The following TMEM178A variants were observed in gnomAD, a reference collection of about 807,000 sequenced individuals.
TMEM178A encodes transmembrane protein 178.
Under a neutral mutation model 29.1 loss-of-function variants are expected in TMEM178A, and 12 were observed. The observed-to-expected ratio is 0.41, with a 90% CI of 0.26 to 0.67. TMEM178A has a LOEUF of 0.67. TMEM178A is among the 30% of genes least tolerant of loss of function. The pLI is 0.29. For synonymous variants in TMEM178A, 210 were observed against 187.2 expected (o/e 1.12, Z -0.99); for missense variants, 366 against 419.1 (o/e 0.87, Z 1.11).
Position 39,666,393 on chromosome 2 carries a change from C to A in TMEM178A, c.400+19C>A. ...CTGAAAGGTGAGCGGCGGGCGCACC[C>A]CGCGTCCCCGGCGCCCGCGCGTGGA... On this transcript the variant is annotated intron_variant, in intron 1 of 3. Coordinates refer to ENST00000281961, the MANE Select transcript of TMEM178A (RefSeq NM_152390.3). The A allele has an allele frequency of 7.5e-7, 1 of 1,327,366 alleles. No homozygotes were observed. Among genetic ancestry groups the A allele is most frequent in the Non-Finnish European group, 9.7e-7 (1 of 1,035,084 alleles). 82.2% of individuals were successfully genotyped at this position (1,327,366 alleles called of 1,614,324 possible).
rs1201502970 is a variant in TMEM178A, at chr2:39,704,133, C to T, written c.453C>T (p.Arg151=). 3 of 1,614,168 alleles carry T rather than the reference C, an allele frequency of 1.9e-6. No individual in the cohort carries two copies. In the South Asian group the frequency reaches 3.3e-5, roughly 18 times the overall value. ...AIKYHFSQPI[R]LRNIPFNLTK... Reference sequence around the variant, plus strand: ...AGTACCACTTTTCTCAGCCCATCCGCTTGCGAAACATTCCTTTTAATTTAA... The same window carrying T: ...AGTACCACTTTTCTCAGCCCATCCGTTTGCGAAACATTCCTTTTAATTTAA... The change falls in exon 2 of 4, where the codon CGC becomes CGT. Residue 151 remains arginine, a synonymous_variant. Coordinates refer to ENST00000281961, the MANE Select transcript of TMEM178A (RefSeq NM_152390.3).
rs1407873044 is a variant in TMEM178A at position 39,704,195 on chromosome 2, G to T, written c.514+1G>T. The T allele has an allele frequency of 6.2e-7, 1 of 1,612,820 alleles. No individual in the cohort carries two copies. Among genetic ancestry groups the T allele is most frequent in the Admixed American group, 1.7e-5 (1 of 59,980 alleles). On this transcript the variant is annotated splice_donor_variant, in intron 2 of 3. Transcript: ENST00000281961. LOFTEE classifies it high-confidence loss of function. The stretch of plus-strand genomic sequence containing the variant: ...CAGCAAGATGAGTGGCACCTGCTTC[G>T]TAAGTATTTCCAGGAGAGGTTCAGA...
chr2:39,718,811 C>T (rs1160700506), downstream of TMEM178A, among the ~76,000 whole-genome samples: 1 of 150,762 alleles, frequency 6.6e-6, no homozygotes, highest in Non-Finnish European at 1.5e-5. Context: ...CCTTTTAACT[C>T]CAACCCTTGT....
At chr2:39,689,598 G>T (rs1205504089) in intron 1 of TMEM178A, among the ~76,000 whole-genome samples, 1 of 152,190 alleles carries the variant, frequency 6.6e-6, no homozygotes, top group Non-Finnish European at 1.5e-5. Flanking sequence ...TGTTTAATGT[G>T]TACAGAGTTT....
the TMEM178A span, among the ~76,000 whole-genome samples, chr2:39,729,473 C>T: frequency 3.3e-5 from 5 of 152,302 alleles, no homozygotes; most frequent in Admixed American, 6.5e-5. Flanking sequence ...TTGGAAAATA[C>T]GATAATTCAC....
chr2:39,689,201 G>A lies in TMEM178A; in HGVS notation c.401-14880G>A, dbSNP rs144604532. The stretch of plus-strand genomic sequence containing the variant: ...AGTATATTGTTTTTAAGGATAATTT[G>A]CTCTGGAACACTGCCAACCCATGCT... On this transcript the variant is annotated intron_variant, in intron 1 of 3. Transcript: ENST00000281961. 3.9e-3 allele frequency among the ~76,000 whole-genome samples: 588 copies of A among 152,284 alleles called. 2 individuals are homozygous for A. Among genetic ancestry groups the A allele is most frequent in the Non-Finnish European group, 5.6e-3 (379 of 68,026 alleles).
chr2:39,707,235 T>C (rs1447232851), intron 3 of TMEM178A, 49 bp downstream of exon 3: 1 of 1,553,324 alleles, frequency 6.4e-7, no homozygotes, highest in Non-Finnish European at 8.7e-7. Flanking sequence ...TGAAGGCTGC[T>C]CTGCATGCGG....
intron 1 of TMEM178A, among the ~76,000 whole-genome samples, chr2:39,678,067 A>G (rs1670705101): frequency 6.6e-6 from 1 of 152,236 alleles, no homozygotes; most frequent in Non-Finnish European, 1.5e-5. Context: ...GTGGATCTTC[A>G]GGGAACCATC....
At chr2:39,689,348 C>T (rs1671217557) in intron 1 of TMEM178A, among the ~76,000 whole-genome samples, 2 of 152,178 alleles carry the variant, frequency 1.3e-5, no homozygotes, top group South Asian at 2.1e-4. Flanking sequence ...CCTTTTCCCT[C>T]CCCATTTCAG....
chr2:39,687,541 A>G (rs17024145), intron 1 of TMEM178A: 50,849 of 163,788 alleles, frequency 0.31, 9,621 homozygotes, highest in East Asian at 0.6. Context: ...CACCTTTTTC[A>G]TGCTTCCTAG....
chr2:39,711,702 T>C (rs555846803), intron 3 of TMEM178A, among the ~76,000 whole-genome samples: 250 of 152,304 alleles, frequency 1.6e-3, no homozygotes, highest in Middle Eastern at 3.4e-3. Flanking sequence ...ATCTAGATTA[T>C]CCATTGATTA....
chr2:39,672,860 C>G (rs2148055494), intron 1 of TMEM178A, among the ~76,000 whole-genome samples: 1 of 152,216 alleles, frequency 6.6e-6, no homozygotes, highest in East Asian at 1.9e-4. Flanking sequence ...TCCTTGATTG[C>G]TATAAAAGAT....
intron 1 of TMEM178A, among the ~76,000 whole-genome samples, chr2:39,687,908 A>C (rs1671151140): frequency 6.6e-6 from 1 of 152,222 alleles, no homozygotes; most frequent in African/African-American, 2.4e-5. Flanking sequence ...GCAGATGCAA[A>C]TTCAATCCCA....
the TMEM178A span, among the ~76,000 whole-genome samples, chr2:39,729,583 A>G: frequency 7.9e-5 from 12 of 152,322 alleles, no homozygotes; most frequent in Admixed American, 3.3e-4. Flanking sequence ...AAAATATGCA[A>G]TTATACTTGA....
At chr2:39,703,067 A>G (rs1221331467) in intron 1 of TMEM178A, among the ~76,000 whole-genome samples, 3 of 152,134 alleles carry the variant, frequency 2.0e-5, no homozygotes, top group African/African-American at 7.2e-5. Flanking sequence ...TCTTTTTAAA[A>G]TTTCACCTTT....
rs182684352 is a variant in TMEM178A, at chr2:39,707,831, G to A, written c.652+645G>A. ...GGACTCTTGGCAAACATGGACCATT[G>A]CTTATGAGGTGCCCTCAAAGACAGA... On this transcript the variant is annotated intron_variant, in intron 3 of 3. Transcript: ENST00000281961. Among the ~76,000 whole-genome samples the A allele has an allele frequency of 2.0e-4, 30 of 152,294 alleles. No individual in the cohort carries two copies. In the East Asian group the frequency reaches 5.4e-3, roughly 27 times the overall value.
At position 39,717,781 on chromosome 2, in the gene TMEM178A, GTTTTTTT is replaced by G. The variant is rs34580359; in HGVS notation, c.*537_*543del. The G allele has an allele frequency of 7.1e-6, 1 of 140,698 alleles. No individual in the cohort carries two copies. Among genetic ancestry groups the G allele is most frequent in the Non-Finnish European group, 1.6e-5 (1 of 63,848 alleles). The allele number at this position is 140,698 out of a possible 1,614,324, so 8.7% of individuals were successfully genotyped here. On this transcript the variant is annotated 3_prime_UTR_variant, in exon 4 of 4. Transcript: ENST00000281961. ...AAGATTCTTCTTCTGTTGCCTTATT[GTTTTTTT>G]TTTTTTAAGTCTCTTCTCTGTCTTT...
At chr2:39,720,031 T>C (rs1207033423), downstream of TMEM178A, among the ~76,000 whole-genome samples, 4 of 144,090 alleles carry the variant, frequency 2.8e-5, no homozygotes, top group South Asian at 4.2e-4. Flanking sequence ...GTGAAGGACA[T>C]AGTGAAAAAA....
At chr2:39,718,336 T>C (rs1316601125), downstream of TMEM178A, among the ~76,000 whole-genome samples, 1 of 152,190 alleles carries the variant, frequency 6.6e-6, no homozygotes, top group Non-Finnish European at 1.5e-5. Context: ...ATTTTCAACC[T>C]TGGCTGCTCA....
Sources: allele counts gnomAD v4.1 joint callset (sites outside exome capture counted in the v4.1 genomes callset), GRCh38; gene constraint gnomAD v4.1.1; transcripts MANE v1.5; gene names NCBI Gene and HGNC (gene_info 2026-07-23, HGNC 2026-07-21).